The following CNTNAP2 variants were observed in gnomAD, a reference collection of about 807,000 sequenced individuals.
The protein encoded by CNTNAP2 is contactin associated protein 2.
A neutral mutation model predicts 155.2 loss-of-function variants in CNTNAP2; 98 were observed. That is an observed-to-expected ratio of 0.63 (90% confidence interval 0.54 to 0.75). CNTNAP2 has a LOEUF of 0.75. CNTNAP2 is among the 30% of genes least tolerant of loss of function. The pLI, the probability that CNTNAP2 is intolerant of heterozygous loss-of-function variation, is 0.00. For missense variants in CNTNAP2, 1,727 were observed against 1,688.1 expected (o/e 1.02, Z -0.40); for synonymous variants, 651 against 631.2 (o/e 1.03, Z -0.47).
intron 1 of CNTNAP2, among the ~76,000 whole-genome samples, chr7:146,278,334 G>C (rs1800196926): frequency 6.6e-6 from 1 of 152,038 alleles, no homozygotes; most frequent in Non-Finnish European, 1.5e-5. Flanking sequence ...GGGAAACAAA[G>C]GTCTCTGTTC....
Position 146,422,493 on chromosome 7 carries a change from C to CT in CNTNAP2, c.97+305529dup, listed in dbSNP as rs923117957. On this transcript the variant is annotated intron_variant, in intron 1 of 23. Coordinates refer to ENST00000361727, the MANE Select transcript of CNTNAP2 (RefSeq NM_014141.6). Reference sequence around the variant, plus strand: ...ATTCCATGTGTTATCTGGAAGACCACTTTTTTTTTCCCACTTGACATTTTT... The same window carrying CT: ...ATTCCATGTGTTATCTGGAAGACCACTTTTTTTTTTCCCACTTGACATTTTT... Among the ~76,000 whole-genome samples, 7 of 150,886 alleles carry CT rather than the reference C, an allele frequency of 4.6e-5. No individual in the cohort carries two copies. In the East Asian group the frequency reaches 5.8e-4, roughly 13 times the overall value.
chr7:148,069,452 G>A (rs1411517539), intron 15 of CNTNAP2, among the ~76,000 whole-genome samples: 1 of 152,002 alleles, frequency 6.6e-6, no homozygotes, highest in Non-Finnish European at 1.5e-5. Flanking sequence ...TGACAAGAGA[G>A]GGACATAAGC....
chr7:147,274,115 T>C (rs1231036139), intron 8 of CNTNAP2, among the ~76,000 whole-genome samples: 1 of 151,900 alleles, frequency 6.6e-6, no homozygotes, highest in African/African-American at 2.4e-5. Flanking sequence ...TTAGGTTGAC[T>C]CCATGACTTT....
intron 13 of CNTNAP2, among the ~76,000 whole-genome samples, chr7:147,711,987 A>G (rs1379454765): frequency 6.6e-6 from 1 of 152,118 alleles, no homozygotes; most frequent in Non-Finnish European, 1.5e-5. Context: ...GAAAATTAAG[A>G]TCCTCCACAA....
intron 4 of CNTNAP2, among the ~76,000 whole-genome samples, chr7:147,107,427 G>T (rs1036908881): frequency 1.3e-5 from 2 of 151,926 alleles, no homozygotes; most frequent in Non-Finnish European, 2.9e-5. Flanking sequence ...GTAGTCATAC[G>T]CTGGATATTT....
At chr7:146,153,239 T>C (rs1798077270) in intron 1 of CNTNAP2, among the ~76,000 whole-genome samples, 1 of 152,128 alleles carries the variant, frequency 6.6e-6, no homozygotes, top group Non-Finnish European at 1.5e-5. Context: ...GTACAATGTT[T>C]TCATGACATT....
At chr7:146,120,589 A>T (rs1241443610) in intron 1 of CNTNAP2, among the ~76,000 whole-genome samples, 1 of 152,206 alleles carries the variant, frequency 6.6e-6, no homozygotes. Flanking sequence ...TTTAAATCTT[A>T]CAGTTATGTG....
chr7:146,570,316 T>C (rs1355511161), intron 1 of CNTNAP2, among the ~76,000 whole-genome samples: 1 of 152,058 alleles, frequency 6.6e-6, no homozygotes, highest in East Asian at 1.9e-4. Context: ...CAGAATACAG[T>C]GAGTAGGCAT....
intron 11 of CNTNAP2, among the ~76,000 whole-genome samples, chr7:147,487,726 G>A (rs1798535354): frequency 6.6e-6 from 1 of 151,938 alleles, no homozygotes; most frequent in South Asian, 2.1e-4. Context: ...TAAAATGTAT[G>A]CTACTGGTTG....
At chr7:147,654,953 A>T (rs957302769) in intron 13 of CNTNAP2, among the ~76,000 whole-genome samples, 2 of 149,880 alleles carry the variant, frequency 1.3e-5, no homozygotes, top group African/African-American at 4.9e-5. Flanking sequence ...AATAGCTGGG[A>T]TTACAGGTGC....
At chr7:146,622,335 T>C (rs142458123) in intron 1 of CNTNAP2, among the ~76,000 whole-genome samples, 2,926 of 151,846 alleles carry the variant, frequency 0.019, 51 homozygotes, top group Middle Eastern at 0.072. Flanking sequence ...AGAATCAACC[T>C]TCTAAGGAAT....
chr7:146,930,733 G>A (rs1388371695), intron 3 of CNTNAP2, among the ~76,000 whole-genome samples: 4 of 152,072 alleles, frequency 2.6e-5, no homozygotes, highest in Non-Finnish European at 4.4e-5. Context: ...ATAAAAGGAT[G>A]GAGGAAGATC....
At chr7:148,300,159 G>C (rs374211465) in intron 21 of CNTNAP2, among the ~76,000 whole-genome samples, 1 of 152,204 alleles carries the variant, frequency 6.6e-6, no homozygotes, top group African/African-American at 2.4e-5. Context: ...CAGCAGGAGA[G>C]ATGCTAAAGG....
At chr7:146,552,005 T>C (rs752988113) in intron 1 of CNTNAP2, among the ~76,000 whole-genome samples, 46 of 152,072 alleles carry the variant, frequency 3.0e-4, no homozygotes, top group Non-Finnish European at 8.8e-5. Context: ...AATATATTTA[T>C]ATATGTCACT....
chr7:148,026,711 C>T (rs1190191570), intron 15 of CNTNAP2, among the ~76,000 whole-genome samples: 23 of 152,124 alleles, frequency 1.5e-4, no homozygotes, highest in Admixed American at 1.5e-3. Context: ...AGCTTGAAAA[C>T]TCTACAAGAC....
intron 15 of CNTNAP2, among the ~76,000 whole-genome samples, chr7:148,046,271 T>C (rs2116486849): frequency 6.6e-6 from 1 of 152,256 alleles, no homozygotes; most frequent in East Asian, 1.9e-4. Flanking sequence ...ATTAACTATA[T>C]GAAAGGCAAA....
intron 3 of CNTNAP2, among the ~76,000 whole-genome samples, chr7:146,931,634 T>C (rs1361301888): frequency 1.5e-4 from 23 of 150,602 alleles, no homozygotes; most frequent in East Asian, 5.8e-4. Flanking sequence ...TTCAAAAAAT[T>C]AATGAATCCA....
At chr7:147,170,486 G>A (rs1053712038) in intron 8 of CNTNAP2, among the ~76,000 whole-genome samples, 1 of 152,132 alleles carries the variant, frequency 6.6e-6, no homozygotes, top group African/African-American at 2.4e-5. Context: ...GTGTTGGGCA[G>A]GGGGATAGAC....
At chr7:148,404,184 A>G (rs1315952403) in intron 22 of CNTNAP2, among the ~76,000 whole-genome samples, 1 of 152,256 alleles carries the variant, frequency 6.6e-6, no homozygotes, top group Admixed American at 6.5e-5. Context: ...ATGAACATCC[A>G]TTTAGCCCTT....
Sources: allele counts gnomAD v4.1 joint callset (sites outside exome capture counted in the v4.1 genomes callset), GRCh38; gene constraint gnomAD v4.1.1; transcripts MANE v1.5; gene names NCBI Gene and HGNC (gene_info 2026-07-23, HGNC 2026-07-21).